The following DNAH10 variants were observed in gnomAD, a reference collection of about 807,000 sequenced individuals.
DNAH10 encodes the protein dynein axonemal heavy chain 10.
In DNAH10, 348 loss-of-function variants were observed where a neutral mutation model predicts 506.6. That is an observed-to-expected ratio of 0.69 (90% confidence interval 0.63 to 0.75). DNAH10 has a LOEUF of 0.75. Ranked by LOEUF, DNAH10 falls within the 30% of genes least tolerant of loss-of-function variation. DNAH10 has a pLI of 0.00. For synonymous variants in DNAH10, 2,059 were observed against 2,198.6 expected, an observed-to-expected ratio of 0.94 and a Z score of 1.78; for missense variants, 5,179 against 5,787.1, an observed-to-expected ratio of 0.89 and a Z score of 3.41.
chr12:123,915,286 C>T (rs1733689970), intron 62 of DNAH10, among the ~76,000 whole-genome samples: 1 of 151,986 alleles, frequency 6.6e-6, no homozygotes, highest in African/African-American at 2.4e-5. Context: ...TCTGGGTGCT[C>T]AGTCACTATT....
At chr12:123,783,847 G>T in intron 7 of DNAH10, 100 bp from the exon 8 acceptor site, 1 of 1,084,388 alleles carries the variant, frequency 9.2e-7, no homozygotes, top group Non-Finnish European at 1.4e-6. Context: ...CTGAAGGATT[G>T]GAGCAGTTGG....
Position 123,846,210 on chromosome 12 carries a change from T to C in DNAH10, c.5814+56T>C, listed in dbSNP as rs1594178321. 1 of 1,560,748 alleles carries C rather than the reference T, an allele frequency of 6.4e-7. No individual in the cohort carries two copies. Among genetic ancestry groups the C allele is most frequent in the East Asian group, 2.3e-5 (1 of 44,330 alleles). On this transcript the variant is annotated intron_variant, in intron 32 of 78. Coordinates refer to ENST00000673944, the MANE Select transcript of DNAH10 (RefSeq NM_001372106.1). This position sits in a 1 kb window ranked among gnomAD's most constrained non-coding sequence, Gnocchi z 4.5. The stretch of plus-strand genomic sequence containing the variant: ...ACTTACCTTGGGGCGGGGCATTTTC[T>C]CTAAGCTTGAGGTGTGATGACTGCA...
chr12:123,861,251 A>G, intron 39 of DNAH10, 81 bp downstream of exon 39: 2 of 1,492,264 alleles, frequency 1.3e-6, no homozygotes, highest in South Asian at 1.3e-5. Context: ...GCAGGACTAT[A>G]CATTGTAGCT....
At position 123,916,968 on chromosome 12, in the gene DNAH10, A is replaced by C. The variant is rs1954507930; in HGVS notation, c.11002+232A>C. On this transcript the variant is annotated intron_variant, in intron 63 of 78. Coordinates refer to ENST00000673944, the MANE Select transcript of DNAH10 (RefSeq NM_001372106.1). This position sits in a 1 kb window ranked among gnomAD's most constrained non-coding sequence, Gnocchi z 4.6. The stretch of plus-strand genomic sequence containing the variant: ...CGGGGCCGTGGGCTTATGTGTTCAC[A>C]CATGGGGTGGGATGGGACCTCTGAC... 6.6e-6 allele frequency among the ~76,000 whole-genome samples: 1 copy of C among 152,218 alleles called. No homozygotes were observed. Among genetic ancestry groups the C allele is most frequent in the African/African-American group, 2.4e-5 (1 of 41,454 alleles).
At chr12:123,912,524 T>C (rs1436628262) in intron 59 of DNAH10, among the ~76,000 whole-genome samples, 1 of 148,142 alleles carries the variant, frequency 6.8e-6, no homozygotes, top group East Asian at 2.0e-4. Context: ...ATAGGATGTT[T>C]AGCAGCATCT....
In DNAH10 at chr12:123,879,631, A is replaced by T; in HGVS notation, c.8467-3A>T. On this transcript the variant is annotated splice_region_variant and splice_polypyrimidine_tract_variant and intron_variant, in intron 49 of 78. Transcript: ENST00000673944. The stretch of plus-strand genomic sequence containing the variant: ...GGGTCCTTAAGTGGGCTTCTGTTTC[A>T]AGGTACAACAGCACATAGGCAGCTT... 6.2e-7 allele frequency: 1 copy of T among 1,613,870 alleles called. No homozygotes were observed. The highest frequency in any genetic ancestry group is 8.5e-7 in the Non-Finnish European group (1 of 1,179,822).
chr12:123,819,095 A>T, intron 22 of DNAH10, 29 bp downstream of exon 22: 1 of 1,600,436 alleles, frequency 6.2e-7, no homozygotes, highest in South Asian at 1.1e-5. Flanking sequence ...TTCCTGAGTA[A>T]AGACATTGAA....
At chr12:123,931,312 G>A (rs1173662268) in intron 73 of DNAH10, 29 bp from the exon 74 acceptor site, 8 of 1,611,470 alleles carry the variant, frequency 5.0e-6, no homozygotes, top group Middle Eastern at 1.9e-4. Context: ...GCTGGACAGT[G>A]CCACCTCCGT....
chr12:123,809,010 T>C, intron 19 of DNAH10, 57 bp downstream of exon 19: 1 of 1,599,358 alleles, frequency 6.3e-7, no homozygotes, highest in Non-Finnish European at 8.6e-7. Context: ...TGCCTCCGCC[T>C]CCCAAAGTGC....
chr12:123,923,168 T>C (rs1372822649), intron 65 of DNAH10: 2 of 152,234 alleles, frequency 1.3e-5, no homozygotes, highest in African/African-American at 4.8e-5. Flanking sequence ...TCCTCTGCAA[T>C]AGAGGTTGGC....
Position 123,881,668 on chromosome 12 carries a change from T to C in DNAH10, c.8678T>C (p.Leu2893Ser), listed in dbSNP as rs1392233019. 2 of 1,544,620 alleles carry C rather than the reference T, an allele frequency of 1.3e-6. No homozygotes were observed. Among genetic ancestry groups the C allele is most frequent in the Non-Finnish European group, 1.7e-6 (2 of 1,144,976 alleles). Reference protein sequence around the residue: ...EYNESNTKMNLVLFDDALEHL... With the variant: ...EYNESNTKMNSVLFDDALEHL... Reference sequence around the variant, plus strand: ...AATGAAAGCAACACCAAAATGAACTTGGTTCTCTTCGACGATGCTCTGGAG... The same window carrying C: ...AATGAAAGCAACACCAAAATGAACTCGGTTCTCTTCGACGATGCTCTGGAG... Residue 2893 changes from leucine to serine, a missense_variant, in exon 51 of 79, where the codon TTG (leucine) becomes TCG (serine). Leu to Ser is a moderately radical substitution (Grantham distance 145). Coordinates refer to ENST00000673944, the MANE Select transcript of DNAH10 (RefSeq NM_001372106.1).
rs750866999 is a variant in DNAH10 at position 123,903,029 on chromosome 12, C to A, written c.9731C>A (p.Thr3244Lys). Reference protein sequence around the residue: ...VIAMEKAEAETTLAEVMPILE... With the variant: ...VIAMEKAEAEKTLAEVMPILE... Reference sequence around the variant, plus strand: ...GCCATGGAGAAGGCCGAGGCCGAGACGACCCTGGCAGAGGTCATGCCCATC... The same window carrying A: ...GCCATGGAGAAGGCCGAGGCCGAGAAGACCCTGGCAGAGGTCATGCCCATC... The change falls in exon 57 of 79, where the codon ACG (threonine) becomes AAG (lysine). Residue 3244 changes from threonine (T) to lysine (K), a missense_variant. Around this residue, in one of 3 missense-constraint regions of DNAH10, gnomAD observed 4,844 missense variants for 5,430.5 expected, o/e 0.89. Coordinates refer to ENST00000673944, the MANE Select transcript of DNAH10 (RefSeq NM_001372106.1). This position sits in a 1 kb window ranked among gnomAD's most constrained non-coding sequence, Gnocchi z 4.6. 1.9e-6 allele frequency: 3 copies of A among 1,607,610 alleles called. No individual in the cohort carries two copies. The highest frequency in any genetic ancestry group is 2.5e-6 in the Non-Finnish European group (3 of 1,177,168).
rs1402028428 is a variant in DNAH10, at chr12:123,908,208, C to CCTGTCTCT, written c.9816-1046_9816-1045insTCTGTCTC. The CCTGTCTCT allele has an allele frequency of 4.4e-4, 176 of 398,988 alleles. 10 individuals are homozygous for CCTGTCTCT. Among genetic ancestry groups the CCTGTCTCT allele is most frequent in the African/African-American group, 3.2e-3 (147 of 46,158 alleles). The allele number at this position is 398,988 out of a possible 1,614,324, so 24.7% of individuals were successfully genotyped here. ...CTCCTCCCTGTCTCTCTGTCCCCTC[C>CCTGTCTCT]CTGTCTCCTCCCTGTCTTCCTGTCT... On this transcript the variant is annotated intron_variant, in intron 57 of 78. Transcript: ENST00000673944.
chr12:123,879,429 A>C (rs533883977), intron 49 of DNAH10, 72 bp downstream of exon 49: 6 of 1,526,420 alleles, frequency 3.9e-6, no homozygotes, highest in Non-Finnish European at 5.3e-6. Context: ...AGTGTTTTTT[A>C]TATTAGGACG....
chr12:123,774,797 T>C (rs1957379931), intron 5 of DNAH10, among the ~76,000 whole-genome samples: 1 of 152,212 alleles, frequency 6.6e-6, no homozygotes, highest in African/African-American at 2.4e-5. Context: ...AGCTTGGGCG[T>C]TGGGGCCATT....
At chr12:123,929,811 T>C in intron 72 of DNAH10, 52 bp downstream of exon 72, 2 of 1,523,302 alleles carry the variant, frequency 1.3e-6, no homozygotes, top group South Asian at 1.2e-5. Flanking sequence ...TACAGAGCTG[T>C]GGCCTCGTGC....
intron 61 of DNAH10, 77 bp from the exon 62 acceptor site, chr12:123,914,775 G>A (rs1301041210): frequency 3.9e-6 from 6 of 1,535,832 alleles, no homozygotes; most frequent in Middle Eastern, 1.7e-4. Context: ...TGTTCTGGAA[G>A]GCCAGTCCTA....
rs933997869 is a variant in DNAH10, at chr12:123,788,836, C to G, written c.1620+834C>G. 3.6e-5 allele frequency among the ~76,000 whole-genome samples: 4 copies of G among 110,418 alleles called. No homozygotes were observed. The Admixed American group carries it at 4.0e-4, about 11-fold the overall frequency. The allele number at this position is 110,418 out of a possible 152,430, so 72.4% of individuals were successfully genotyped here. A position where few individuals can be genotyped will look rare whatever the true frequency, so the allele number is the denominator to read the frequency against. On this transcript the variant is annotated intron_variant, in intron 10 of 78. Coordinates refer to ENST00000673944, the MANE Select transcript of DNAH10 (RefSeq NM_001372106.1). ...AGCCACTCAGAAGGCTGAGGTGGCA[C>G]GTTGGCTTGAGCCTGGGAGGTTGAG...
Position 123,845,882 on chromosome 12 carries a change from C to T in DNAH10, c.5630+13C>T, listed in dbSNP as rs369847201. 5.8e-5 allele frequency: 93 copies of T among 1,613,120 alleles called. No individual in the cohort carries two copies. In the Admixed American group the frequency reaches 7.3e-4, roughly 13 times the overall value. On this transcript the variant is annotated intron_variant, in intron 31 of 78. Transcript: ENST00000673944. Reference sequence around the variant, plus strand: ...TCATAAGAGGCAGGTGAGCATTTTCCGGGGTCACTGGCATTTCAAAAGGGA... The same window carrying T: ...TCATAAGAGGCAGGTGAGCATTTTCTGGGGTCACTGGCATTTCAAAAGGGA...
Sources: allele counts gnomAD v4.1 joint callset (sites outside exome capture counted in the v4.1 genomes callset), GRCh38; gene constraint gnomAD v4.1.1; regional missense constraint gnomAD v4.1.1; non-coding constraint Gnocchi (gnomAD v3.1); transcripts MANE v1.5; gene names NCBI Gene and HGNC (gene_info 2026-07-23, HGNC 2026-07-21).